SRRM3: variants seen among roughly 807,000 people sequenced by gnomAD.
SRRM3 encodes serine/arginine repetitive matrix protein 3.
In SRRM3, 27 loss-of-function variants were observed where a neutral mutation model predicts 66.2. The ratio of observed to expected loss-of-function variants is 0.41; its 90% CI spans 0.30 to 0.56. SRRM3 has a LOEUF of 0.56. Among genes scored for constraint, SRRM3 ranks in the 20% least tolerant of loss-of-function variants. The pLI is 0.32. For missense variants in SRRM3, 918 were observed against 991.9 expected, an observed-to-expected ratio of 0.93 and a Z score of 1.00; for synonymous variants, 391 against 414.9, an observed-to-expected ratio of 0.94 and a Z score of 0.70.
chr7:76,273,048 G>C (rs181788327), intron 11 of SRRM3: 1 of 152,418 alleles, frequency 6.6e-6, no homozygotes, highest in Admixed American at 6.5e-5. Flanking sequence ...AACAGTGCTT[G>C]TCTCCTCTTT....
intron 1 of SRRM3, among the ~76,000 whole-genome samples, chr7:76,231,937 C>T (rs1231604958): frequency 1.3e-5 from 2 of 152,086 alleles, no homozygotes; most frequent in Non-Finnish European, 2.9e-5. Flanking sequence ...GAAGTAAGGG[C>T]ATGCATTTGG....
In SRRM3 at chr7:76,235,117, C is replaced by T. The variant is rs782362367; in HGVS notation, c.51C>T (p.Asp17=). Residue 17 remains aspartate, a synonymous_variant, in exon 2 of 15, where the codon GAC becomes GAT. Transcript: ENST00000611745. ...NGAASMQSTP[D]AANGFPQPSS... The stretch of plus-strand genomic sequence containing the variant: ...CGGCCAGCATGCAGTCCACACCCGA[C>T]GCCGCGAACGGCTTCCCGCAGCCCA... 31 of 1,586,330 alleles carry T rather than the reference C, an allele frequency of 2.0e-5. No individual in the cohort carries two copies. The highest frequency in any genetic ancestry group is 2.6e-5 in the Non-Finnish European group (30 of 1,171,952).
intron 1 of SRRM3, among the ~76,000 whole-genome samples, chr7:76,210,696 TGATCACA>T (rs1473799260): frequency 6.6e-6 from 1 of 152,034 alleles, no homozygotes. Context: ...TAGTGCACTA[TGATCACA>T]CCTGTAAATA....
At chr7:76,221,586 T>C (rs1554603210) in intron 1 of SRRM3, among the ~76,000 whole-genome samples, 1 of 151,900 alleles carries the variant, frequency 6.6e-6, no homozygotes, top group African/African-American at 2.4e-5. Flanking sequence ...ATGGTCTCGA[T>C]TTCCTGACCT....
intron 11 of SRRM3, among the ~76,000 whole-genome samples, chr7:76,272,712 C>T (rs4728638): frequency 0.14 from 21,696 of 152,070 alleles, 1,771 homozygotes; most frequent in East Asian, 0.21. Context: ...GAAGGTGACA[C>T]CCTTAGGTGA....
intron 11 of SRRM3, among the ~76,000 whole-genome samples, chr7:76,280,921 C>T (rs1307864027): frequency 6.6e-6 from 1 of 150,774 alleles, no homozygotes; most frequent in Non-Finnish European, 1.5e-5. Flanking sequence ...CTCTCTTCCT[C>T]TCTCTCTCTT....
intron 10 of SRRM3, among the ~76,000 whole-genome samples, chr7:76,266,303 A>AT (rs1563635138): frequency 8.5e-6 from 1 of 117,474 alleles, no homozygotes; most frequent in African/African-American, 3.6e-5. Context: ...ATTTAATATA[A>AT]ATATTAACAT....
At chr7:76,281,354 C>A in intron 11 of SRRM3, 87 bp from the exon 12 acceptor site, 3 of 971,430 alleles carry the variant, frequency 3.1e-6, no homozygotes, top group Non-Finnish European at 3.9e-6. Flanking sequence ...CTCTCTCTCC[C>A]GTCTGTCTCC....
intron 2 of SRRM3, among the ~76,000 whole-genome samples, chr7:76,246,798 C>A (rs1801455084): frequency 6.6e-6 from 1 of 152,126 alleles, no homozygotes; most frequent in Non-Finnish European, 1.5e-5. Context: ...CTAGGTCAAC[C>A]CTCTTAGCTG....
In SRRM3 at chr7:76,260,383, A is replaced by T. The variant is rs1217663129; in HGVS notation, c.545+186A>T. 1.0e-4 allele frequency among the ~76,000 whole-genome samples: 4 copies of T among 39,678 alleles called. No homozygotes were observed. In the East Asian group the frequency reaches 2.3e-3, roughly 23 times the overall value. The allele number at this position is 39,678 out of a possible 152,430, so 26.0% of individuals were successfully genotyped here. On this transcript the variant is annotated intron_variant, in intron 5 of 14. Transcript: ENST00000611745. ...GGTAACTGAACCCACCCCAGGCCTC[A>T]AGCTCCTCCCCTCGCTAGGCCCCGC...
chr7:76,213,561 GATTC>G (rs1800488332), intron 1 of SRRM3, among the ~76,000 whole-genome samples: 1 of 152,114 alleles, frequency 6.6e-6, no homozygotes. Context: ...GACCTCGTGG[GATTC>G]ATTGTTGCAG....
In SRRM3 at chr7:76,220,097, G is replaced by A. The variant is rs145151633; in HGVS notation, c.-39-14931G>A. 6.9e-4 allele frequency among the ~76,000 whole-genome samples: 105 copies of A among 152,280 alleles called. No individual in the cohort carries two copies. The Middle Eastern group carries it at 0.01, about 15-fold the overall frequency. On this transcript the variant is annotated intron_variant, in intron 1 of 14. Coordinates refer to ENST00000611745, the MANE Select transcript of SRRM3 (RefSeq NM_001110199.3). ...AAACAATAAGTAGTGAGCTCCCATC[G>A]GTGCAAACACAGGCGGGGTCTCAGC...
chr7:76,221,552 C>T (rs904889184), intron 1 of SRRM3, among the ~76,000 whole-genome samples: 3 of 151,468 alleles, frequency 2.0e-5, no homozygotes, highest in Admixed American at 1.3e-4. Flanking sequence ...TTAGTAGAGA[C>T]GGGGTTTCAC....
chr7:76,215,275 G>GA (rs1302385857), intron 1 of SRRM3, among the ~76,000 whole-genome samples: 11 of 146,564 alleles, frequency 7.5e-5, no homozygotes, highest in East Asian at 6.1e-4. Flanking sequence ...TGGGAAGAGA[G>GA]AAAAAAAAAG....
At chr7:76,225,892 T>A (rs1800853477) in intron 1 of SRRM3, among the ~76,000 whole-genome samples, 1 of 152,146 alleles carries the variant, frequency 6.6e-6, no homozygotes, top group African/African-American at 2.4e-5. Flanking sequence ...AGAGTTGAAG[T>A]CACGTGCCCT....
rs1401572303 is a variant in SRRM3 at position 76,281,572 on chromosome 7, G to A, written c.1140G>A (p.Ala380=). The change falls in exon 12 of 15, where the codon GCG becomes GCA. Residue 380 remains alanine (A), a synonymous_variant. Transcript: ENST00000611745. The stretch of plus-strand genomic sequence containing the variant: ...CCCAAGGTCGCGGAGGCCGCGCGGC[G>A]GGCGGGGCGGGCAGGCGGCGGCGGC... ...PSSQGRGGRA[A]GGAGRRRRRR... 1.0e-6 allele frequency: 1 copy of A among 993,748 alleles called. No homozygotes were observed. The highest frequency in any genetic ancestry group is 1.8e-5 in the African/African-American group (1 of 56,876). The allele number at this position is 993,748 out of a possible 1,614,324, so 61.6% of individuals were successfully genotyped here.
intron 3 of SRRM3, among the ~76,000 whole-genome samples, chr7:76,259,573 T>G (rs1213568000): frequency 7.0e-6 from 1 of 143,032 alleles, no homozygotes; most frequent in East Asian, 2.1e-4. Flanking sequence ...CAAGACCCTA[T>G]CTCCAAAATT....
At chr7:76,225,779 A>G (rs1187454375) in intron 1 of SRRM3, among the ~76,000 whole-genome samples, 1 of 152,198 alleles carries the variant, frequency 6.6e-6, no homozygotes, top group Non-Finnish European at 1.5e-5. Context: ...CATACTAGGT[A>G]CTGTGAGGGC....
chr7:76,267,402 G>C lies in SRRM3; in HGVS notation c.975G>C (p.Gly325=), dbSNP rs576606445. 3 of 1,391,428 alleles carry C rather than the reference G, an allele frequency of 2.2e-6. No homozygotes were observed. In the African/African-American group the frequency reaches 4.6e-5, roughly 21 times the overall value. The allele number at this position is 1,391,428 out of a possible 1,614,324, so 86.2% of individuals were successfully genotyped here. The change falls in exon 11 of 15, where the codon GGG becomes GGC. Residue 325 remains glycine, a synonymous_variant. Coordinates refer to ENST00000611745, the MANE Select transcript of SRRM3 (RefSeq NM_001110199.3). ...GGSGQRSGAH[G]GRPGSAHSPP... ...GCGGGCAGCGGAGCGGAGCGCACGG[G>C]GGCCGCCCCGGCTCGGCGCACAGCC...
Sources: allele counts gnomAD v4.1 joint callset (sites outside exome capture counted in the v4.1 genomes callset), GRCh38; gene constraint gnomAD v4.1.1; transcripts MANE v1.5; gene names NCBI Gene and HGNC (gene_info 2026-07-23, HGNC 2026-07-21).